ANTXR2: variants seen among roughly 807,000 people sequenced by gnomAD.
ANTXR2 encodes the protein ANTXR cell adhesion molecule 2.
Under a neutral mutation model 73.7 loss-of-function variants are expected in ANTXR2, and 44 were observed. The ratio of observed to expected loss-of-function variants is 0.60; its 90% CI spans 0.47 to 0.77. The LOEUF is 0.77. Among genes scored for constraint, ANTXR2 ranks in the 30% least tolerant of loss-of-function variants. The probability of loss-of-function intolerance (pLI) is 0.00; values close to 1 mark genes in which losing one functional copy is unlikely to be tolerated. For synonymous variants in ANTXR2, 217 were observed against 205.9 expected, an observed-to-expected ratio of 1.05 and a Z score of -0.46; for missense variants, 604 against 592.5, an observed-to-expected ratio of 1.02 and a Z score of -0.20.
chr4:79,977,619 AC>A lies in ANTXR2; in HGVS notation c.1428+1del. ...TTTCTCAATACATTCCCATATACAA[AC>A]CTCATCTCCTTCCTGAGGTCGCATC... On this transcript the variant is annotated splice_donor_variant, in intron 16 of 16. Transcript: ENST00000403729. LOFTEE classifies it high-confidence loss of function. 1 of 1,570,932 alleles carries A rather than the reference AC, an allele frequency of 6.4e-7. No homozygotes were observed. Among genetic ancestry groups the A allele is most frequent in the Non-Finnish European group, 8.6e-7 (1 of 1,157,002 alleles).
intron 12 of ANTXR2, among the ~76,000 whole-genome samples, chr4:79,991,650 TG>T (rs1437275237): frequency 1.3e-5 from 2 of 152,016 alleles, no homozygotes; most frequent in Admixed American, 6.6e-5. Flanking sequence ...CATACGCACT[TG>T]TATGTTCATC....
In ANTXR2 at chr4:79,975,065, A is replaced by G. The variant is rs140558254; in HGVS notation, c.1428+2556T>C. ...ATTTCTTCTTTTCTATTCCCAGTGAATCTTTCTGGTTTTCACTTCTGAACC... is the reference window on the plus strand; with the variant it reads ...ATTTCTTCTTTTCTATTCCCAGTGAGTCTTTCTGGTTTTCACTTCTGAACC... On this transcript the variant is annotated intron_variant, in intron 16 of 16. Transcript: ENST00000403729. Among the ~76,000 whole-genome samples, 37 of 152,294 alleles carry G rather than the reference A, an allele frequency of 2.4e-4. 1 individual carries two copies. The highest frequency in any genetic ancestry group is 8.4e-4 in the African/African-American group (35 of 41,554).
intron 14 of ANTXR2, among the ~76,000 whole-genome samples, chr4:79,979,662 T>A (rs1729801260): frequency 6.6e-6 from 1 of 152,190 alleles, no homozygotes; most frequent in Admixed American, 6.5e-5. Context: ...TTAAAATTGT[T>A]TTAAACACCA....
At chr4:79,916,905 C>T (rs1262085937) in intron 16 of ANTXR2, among the ~76,000 whole-genome samples, 1 of 151,902 alleles carries the variant, frequency 6.6e-6, no homozygotes, top group Non-Finnish European at 1.5e-5. Flanking sequence ...AAAAATAATT[C>T]GTTTGAAAAT....
At chr4:80,042,510 C>T (rs1733315451) in intron 7 of ANTXR2, among the ~76,000 whole-genome samples, 1 of 151,970 alleles carries the variant, frequency 6.6e-6, no homozygotes, top group Admixed American at 6.6e-5. Flanking sequence ...CCCTCACTGT[C>T]TCACCTAGGT....
chr4:80,001,046 T>C, intron 12 of ANTXR2, among the ~76,000 whole-genome samples: 1 of 152,212 alleles, frequency 6.6e-6, no homozygotes, highest in South Asian at 2.1e-4. Flanking sequence ...GCTCTAAGAT[T>C]GTAAGTAAAT....
At chr4:79,926,340 G>A (rs1233902231) in intron 16 of ANTXR2, among the ~76,000 whole-genome samples, 2 of 152,076 alleles carry the variant, frequency 1.3e-5, no homozygotes, top group African/African-American at 4.8e-5. Context: ...AGATAGGAAT[G>A]TGCCTATGTT....
At chr4:79,972,957 G>T (rs1044961848) in intron 16 of ANTXR2, among the ~76,000 whole-genome samples, 1 of 144,484 alleles carries the variant, frequency 6.9e-6, no homozygotes, top group Non-Finnish European at 1.5e-5. Flanking sequence ...GCGTCCGAAG[G>T]CTTCATTTGT....
intron 16 of ANTXR2, among the ~76,000 whole-genome samples, chr4:79,912,530 T>C (rs550235003): frequency 1.3e-5 from 2 of 152,200 alleles, no homozygotes; most frequent in Admixed American, 1.3e-4. Context: ...AAACATTACA[T>C]AGTTAGTGAA....
chr4:79,945,449 T>C (rs1377247988), intron 16 of ANTXR2, among the ~76,000 whole-genome samples: 1 of 152,138 alleles, frequency 6.6e-6, no homozygotes, highest in Non-Finnish European at 1.5e-5. Context: ...TTCTTATGCA[T>C]TTACTCTATG....
intron 16 of ANTXR2, among the ~76,000 whole-genome samples, chr4:79,911,002 C>G (rs923834312): frequency 8.5e-5 from 13 of 152,130 alleles, no homozygotes; most frequent in Non-Finnish European, 1.3e-4. Flanking sequence ...GCAATGCATC[C>G]CGGTTGTAAG....
chr4:79,944,574 T>C (rs1008076509), intron 16 of ANTXR2, among the ~76,000 whole-genome samples: 2 of 151,664 alleles, frequency 1.3e-5, no homozygotes, highest in African/African-American at 2.4e-5. Flanking sequence ...TAAAAGGTAT[T>C]TTTTTCAGCA....
chr4:80,057,714 C>A (rs191723275), intron 3 of ANTXR2, among the ~76,000 whole-genome samples: 277 of 151,882 alleles, frequency 1.8e-3, no homozygotes, highest in Admixed American at 7.2e-3. Flanking sequence ...AAAAAAAGTT[C>A]TCTCCTAAAA....
chr4:79,906,130 T>G lies in ANTXR2; in HGVS notation c.*1299A>C, dbSNP rs932148736. Reference sequence around the variant, plus strand: ...TCCCCCACGGTGTTTCTGCTCACGCTAACATAATTTGGCATCGTCGACGTG... The same window carrying G: ...TCCCCCACGGTGTTTCTGCTCACGCGAACATAATTTGGCATCGTCGACGTG... On this transcript the variant is annotated 3_prime_UTR_variant, in exon 17 of 17. Transcript: ENST00000403729. The G allele has an allele frequency of 6.6e-6, 1 of 152,652 alleles. No homozygotes were observed. The highest frequency in any genetic ancestry group is 6.5e-5 in the Admixed American group (1 of 15,270). 9.5% of individuals were successfully genotyped at this position (152,652 alleles called of 1,614,324 possible). A position where few individuals can be genotyped will look rare whatever the true frequency, so the allele number is the denominator to read the frequency against.
intron 16 of ANTXR2, among the ~76,000 whole-genome samples, chr4:79,966,127 G>GACACACACACACACACACACACACAC (rs10549471): frequency 2.0e-5 from 3 of 149,408 alleles, no homozygotes; most frequent in Non-Finnish European, 4.4e-5. Context: ...CTAGGACTTA[G>GACACACACACACACACACACACACAC]ACACACACAC....
At chr4:80,022,927 A>G (rs1284634121) in intron 10 of ANTXR2, among the ~76,000 whole-genome samples, 1 of 152,182 alleles carries the variant, frequency 6.6e-6, no homozygotes, top group Non-Finnish European at 1.5e-5. Flanking sequence ...GTTTTAAGGA[A>G]CAGAGCTTGG....
rs187923090 is a variant in ANTXR2, at chr4:79,937,670, T to A, written c.1429-30203A>T. 2.5e-3 allele frequency among the ~76,000 whole-genome samples: 388 copies of A among 152,316 alleles called. 3 individuals are homozygous for A. Among genetic ancestry groups the A allele is most frequent in the African/African-American group, 8.9e-3 (368 of 41,576 alleles). On this transcript the variant is annotated intron_variant, in intron 16 of 16. Transcript: ENST00000403729. ...TGAATGCTTATGTATATATTGAGCA[T>A]CAATTATGTACCCAGCACTGTGATA...
intron 12 of ANTXR2, among the ~76,000 whole-genome samples, chr4:79,991,641 A>G (rs984232701): frequency 6.6e-5 from 10 of 152,156 alleles, no homozygotes; most frequent in Non-Finnish European, 1.0e-4. Context: ...TACCAAAGAC[A>G]TACGCACTTG....
intron 10 of ANTXR2, among the ~76,000 whole-genome samples, chr4:80,027,289 T>C (rs1379486815): frequency 1.3e-5 from 2 of 152,082 alleles, no homozygotes; most frequent in Admixed American, 6.6e-5. Context: ...AGGCAGAATT[T>C]ATCTAATCAA....
Sources: gnomAD v4.1 joint callset for allele counts (sites outside exome capture counted in the v4.1 genomes callset) on GRCh38, gnomAD v4.1.1 for gene constraint, MANE v1.5 for transcripts, NCBI Gene and HGNC (gene_info 2026-07-23, HGNC 2026-07-21) for gene names.